The following COL21A1 variants were observed in gnomAD, a reference collection of about 807,000 sequenced individuals.
The protein encoded by COL21A1 is collagen alpha-1(XXI) chain.
COL21A1 carries 149 observed loss-of-function variants against 137.9 expected under a neutral mutation model. The ratio of observed to expected loss-of-function variants is 1.08; its 90% CI spans 0.95 to 1.24. COL21A1 has a LOEUF of 1.24. Among genes scored for constraint, COL21A1 ranks in the 50% most tolerant of loss-of-function variants. The pLI is 0.00. For synonymous variants in COL21A1, 456 were observed against 391.5 expected (o/e 1.16, Z -1.95); for missense variants, 1,167 against 1,158.4 (o/e 1.01, Z -0.11).
rs1766350036 is a variant in COL21A1, at chr6:56,067,294, C to T, written c.2127+1G>A. On this transcript the variant is annotated splice_donor_variant, in intron 23 of 29. Coordinates refer to ENST00000244728, the MANE Select transcript of COL21A1 (RefSeq NM_030820.4). LOFTEE classifies it high-confidence loss of function. ...CTACTAAAAAAAAGCAAACAACATA[C>T]CTGAATACCTTTTTCACCTTGATTT... The T allele has an allele frequency of 6.2e-7, 1 of 1,608,358 alleles. No homozygotes were observed. Among genetic ancestry groups the T allele is most frequent in the African/African-American group, 1.3e-5 (1 of 74,712 alleles).
chr6:56,105,683 G>A (rs985153730), intron 16 of COL21A1, among the ~76,000 whole-genome samples: 1 of 152,156 alleles, frequency 6.6e-6, no homozygotes, highest in Non-Finnish European at 1.5e-5. Context: ...ATTTACTCTA[G>A]TTCTTTGTTT....
intron 10 of COL21A1, among the ~76,000 whole-genome samples, chr6:56,149,613 C>A (rs1461559752): frequency 1.3e-5 from 2 of 152,192 alleles, no homozygotes; most frequent in African/African-American, 4.8e-5. Context: ...AAACCACACT[C>A]CTGATTTTCC....
At position 56,057,833 on chromosome 6, in the gene COL21A1, G is replaced by T. The variant is rs867859797; in HGVS notation, c.2698C>A (p.Pro900Thr). 6.4e-7 allele frequency: 1 copy of T among 1,559,768 alleles called. No homozygotes were observed. Among genetic ancestry groups the T allele is most frequent in the Non-Finnish European group, 8.6e-7 (1 of 1,157,764 alleles). Residue 900 changes from proline (P) to threonine (T), a missense_variant, in exon 30 of 30, where the codon CCT becomes ACT. Pro to Thr is a conservative substitution (Grantham distance 38). Transcript: ENST00000244728. The stretch of plus-strand genomic sequence containing the variant: ...GGACCTTCTTTGCTTATTCCAGGAG[G>T]GCCCTCTGGACCTAAGATGGGACAT... ...GPPGPPGPEG[P>T]PGISKEGPPG... is the part of the protein sequence containing the mutation.
At chr6:56,157,518 C>T (rs2152259042) in intron 9 of COL21A1, among the ~76,000 whole-genome samples, 1 of 152,110 alleles carries the variant, frequency 6.6e-6, no homozygotes, top group African/African-American at 2.4e-5. Flanking sequence ...ACCATGTTTG[C>T]CAGTCTGGTC....
intron 1 of COL21A1, among the ~76,000 whole-genome samples, chr6:56,204,337 C>A (rs1779612859): frequency 6.6e-6 from 1 of 152,128 alleles, no homozygotes; most frequent in African/African-American, 2.4e-5. Context: ...TTAACCCTCA[C>A]AGTGTAAACA....
At chr6:56,099,525 T>C (rs952762627) in intron 17 of COL21A1, among the ~76,000 whole-genome samples, 2 of 152,062 alleles carry the variant, frequency 1.3e-5, no homozygotes, top group East Asian at 1.9e-4. Context: ...CGTGAGCCAC[T>C]GCACCCAGCC....
intron 1 of COL21A1, among the ~76,000 whole-genome samples, chr6:56,303,052 T>A (rs1313499935): frequency 6.6e-6 from 1 of 152,154 alleles, no homozygotes; most frequent in African/African-American, 2.4e-5. Flanking sequence ...ATACGTGGCA[T>A]TATTTCTGAG....
chr6:56,130,203 AT>A lies in COL21A1; in HGVS notation c.1543-4055del, dbSNP rs1412289561. On this transcript the variant is annotated intron_variant, in intron 12 of 29. Transcript: ENST00000244728. ...TATATATATATATATATATATATAT[AT>A]ATATATAAAATTTCAAATTACATAT... Among the ~76,000 whole-genome samples, 3 of 22,634 alleles carry A rather than the reference AT, an allele frequency of 1.3e-4. No individual in the cohort carries two copies. The East Asian group carries it at 0.013, about 100-fold the overall frequency. The allele number at this position is 22,634 out of a possible 152,430, so 14.8% of individuals were successfully genotyped here. A position where few individuals can be genotyped will look rare whatever the true frequency, so the allele number is the denominator to read the frequency against.
intron 1 of COL21A1, among the ~76,000 whole-genome samples, chr6:56,317,978 T>A (rs950549204): frequency 4.6e-5 from 7 of 152,204 alleles, no homozygotes; most frequent in African/African-American, 1.7e-4. Context: ...TCCAAGACAG[T>A]TCAAGGATAT....
chr6:56,342,979 A>C (rs1464009837), intron 1 of COL21A1, among the ~76,000 whole-genome samples: 1 of 152,160 alleles, frequency 6.6e-6, no homozygotes, highest in Non-Finnish European at 1.5e-5. Flanking sequence ...ACTGCAGACA[A>C]CTCATAGCTG....
At chr6:56,282,824 T>C (rs192820137) in intron 1 of COL21A1, among the ~76,000 whole-genome samples, 157 of 152,340 alleles carry the variant, frequency 1.0e-3, no homozygotes, top group African/African-American at 3.6e-3. Context: ...TTATCCAGTA[T>C]GTAAGATTCC....
chr6:56,100,091 A>T (rs578011001), intron 17 of COL21A1, among the ~76,000 whole-genome samples: 9 of 152,344 alleles, frequency 5.9e-5, no homozygotes, highest in Admixed American at 4.6e-4. Context: ...GGCCCTAGCC[A>T]AGTTTCTACC....
intron 12 of COL21A1, among the ~76,000 whole-genome samples, chr6:56,127,922 A>T (rs1341399391): frequency 6.6e-6 from 1 of 152,060 alleles, no homozygotes; most frequent in East Asian, 1.9e-4. Context: ...AGGCCTTTTC[A>T]TCTATAGAGA....
At chr6:56,236,925 G>A (rs1477906553) in intron 1 of COL21A1, among the ~76,000 whole-genome samples, 2 of 151,820 alleles carry the variant, frequency 1.3e-5, no homozygotes, top group African/African-American at 4.8e-5. Context: ...AGTTCCTGGT[G>A]GTGCCTCTCC....
chr6:56,145,455 T>C (rs1193029436), intron 10 of COL21A1, among the ~76,000 whole-genome samples: 1 of 151,678 alleles, frequency 6.6e-6, no homozygotes, highest in East Asian at 1.9e-4. Context: ...CCAGAAGAAA[T>C]AGAATGAAAT....
At chr6:56,083,911 ATAC>A (rs1468317176) in intron 17 of COL21A1, among the ~76,000 whole-genome samples, 2 of 151,998 alleles carry the variant, frequency 1.3e-5, no homozygotes, top group Non-Finnish European at 2.9e-5. Context: ...TCCGTATAAT[ATAC>A]TATACTAATA....
chr6:56,213,118 A>G (rs1246836098), intron 1 of COL21A1, among the ~76,000 whole-genome samples: 3 of 152,084 alleles, frequency 2.0e-5, no homozygotes, highest in Admixed American at 2.0e-4. Context: ...ATCAATTTGC[A>G]CGTATTCCTT....
intron 7 of COL21A1, chr6:56,166,669 A>G (rs1776604307): frequency 5.1e-6 from 3 of 592,282 alleles, no homozygotes; most frequent in Non-Finnish European, 9.1e-6. Flanking sequence ...AACAAAACAC[A>G]ACAAGAAAAC....
chr6:56,249,294 G>A (rs573503951), upstream of COL21A1, among the ~76,000 whole-genome samples: 2 of 152,224 alleles, frequency 1.3e-5, no homozygotes, highest in East Asian at 3.9e-4. Context: ...AAGCCACTTT[G>A]GAAAACAGTT....
Sources: gnomAD v4.1 joint callset for allele counts (sites outside exome capture counted in the v4.1 genomes callset) on GRCh38, gnomAD v4.1.1 for gene constraint, MANE v1.5 for transcripts, NCBI Gene and HGNC (gene_info 2026-07-23, HGNC 2026-07-21) for gene names.